GBP5: variants seen among roughly 807,000 people sequenced by gnomAD.
The protein encoded by GBP5 is guanylate binding protein 5.
GBP5 carries 48 observed loss-of-function variants against 58.2 expected under a neutral mutation model. The observed-to-expected ratio is 0.83, with a 90% confidence interval of 0.65 to 1.05. The LOEUF is 1.05. Ranked by LOEUF, GBP5 falls within the 50% of genes least tolerant of loss-of-function variation. GBP5 has a pLI of 0.00. For missense variants in GBP5, 714 were observed against 686.8 expected (o/e 1.04, Z -0.44); for synonymous variants, 248 against 251.8 (o/e 0.98, Z 0.14).
intron 11 of GBP5, among the ~76,000 whole-genome samples, chr1:89,261,812 T>C (rs1272106938): frequency 2.0e-5 from 3 of 152,132 alleles, no homozygotes; most frequent in African/African-American, 7.2e-5. Context: ...TAACAAAGTA[T>C]CTATGACCAA....
rs1294623515 is a variant in GBP5 at position 89,264,893 on chromosome 1, G to A, written c.942C>T (p.Val314=). ...SGDLPCIENA[V]LALAQRENSA... Reference sequence around the variant, plus strand: ...AGTTCTCTCTCTGAGCCAAGGCCAGGACTGCATTCTCTATGCAAGGCAGAT... The same window carrying A: ...AGTTCTCTCTCTGAGCCAAGGCCAGAACTGCATTCTCTATGCAAGGCAGAT... The change falls in exon 8 of 12, where the codon GTC becomes GTT. Residue 314 remains valine (V), a synonymous_variant. Transcript: ENST00000370459. 1 of 1,614,214 alleles carries A rather than the reference G, an allele frequency of 6.2e-7. No homozygotes were observed. Among genetic ancestry groups the A allele is most frequent in the South Asian group, 1.1e-5 (1 of 91,092 alleles).
intron 11 of GBP5, among the ~76,000 whole-genome samples, chr1:89,261,103 T>A (rs1649991530): frequency 6.6e-6 from 1 of 152,154 alleles, no homozygotes; most frequent in Non-Finnish European, 1.5e-5. Context: ...CTTAGTCACA[T>A]CTTGACTTCA....
Position 89,260,169 on chromosome 1 carries a change from T to G in GBP5, c.*535A>C, listed in dbSNP as rs1184593663. ...CAAGGATCACACAACCTAGATCTTT[T>G]GCATGCACAGTTCACAATAGGGTTC... On this transcript the variant is annotated 3_prime_UTR_variant, in exon 12 of 12. Transcript: ENST00000370459. 2 of 153,056 alleles carry G rather than the reference T, an allele frequency of 1.3e-5. No individual in the cohort carries two copies. Among genetic ancestry groups the G allele is most frequent in the Non-Finnish European group, 2.9e-5 (2 of 68,690 alleles). 9.5% of individuals were successfully genotyped at this position (153,056 alleles called of 1,614,324 possible). A position where few individuals can be genotyped will look rare whatever the true frequency, so the allele number is the denominator to read the frequency against.
In GBP5 at chr1:89,260,833, T is replaced by C. The variant is rs879581510; in HGVS notation, c.1648-16A>G. 7 of 1,589,052 alleles carry C rather than the reference T, an allele frequency of 4.4e-6. No individual in the cohort carries two copies. In the Admixed American group the frequency reaches 8.4e-5, roughly 19 times the overall value. ...CAGCCTGTTCCTAAAGAGTGATAAATAGAAAGTAAGATCAAGCTTCTTACT... is the reference window on the plus strand; with the variant it reads ...CAGCCTGTTCCTAAAGAGTGATAAACAGAAAGTAAGATCAAGCTTCTTACT... On this transcript the variant is annotated splice_polypyrimidine_tract_variant and intron_variant, in intron 11 of 11. Coordinates refer to ENST00000370459, the MANE Select transcript of GBP5 (RefSeq NM_052942.5).
rs546274704 is a variant in GBP5, at chr1:89,257,744, T to G, written c.*2960A>C. ...TCTCTTAGCTGGTATGAATAACTAT[T>G]CATAGTATTAACTAATAAAGATTTT... On this transcript the variant is annotated 3_prime_UTR_variant, in exon 12 of 12. Coordinates refer to ENST00000370459, the MANE Select transcript of GBP5 (RefSeq NM_052942.5). Among the ~76,000 whole-genome samples, 7 of 152,360 alleles carry G rather than the reference T, an allele frequency of 4.6e-5. No individual in the cohort carries two copies. In the South Asian group the frequency reaches 1.2e-3, roughly 27 times the overall value.
chr1:89,267,790 C>T (rs1650286184), intron 4 of GBP5, among the ~76,000 whole-genome samples: 1 of 152,080 alleles, frequency 6.6e-6, no homozygotes, highest in Non-Finnish European at 1.5e-5. Context: ...TTTTCCAGCA[C>T]ATAAAACAAA....
Position 89,266,542 on chromosome 1 carries a change from T to C in GBP5, c.672A>G (p.Ile224Met). ...VQNFNLPRLC[I>M]QKFFPKKKCF... ...ATTTCTTTTTTGGAAAGAACTTCTGTATACACAGACGGGGCAAATTGAAAT... is the reference window on the plus strand; with the variant it reads ...ATTTCTTTTTTGGAAAGAACTTCTGCATACACAGACGGGGCAAATTGAAAT... Residue 224 changes from isoleucine (I) to methionine (M), a missense_variant, in exon 7 of 12, where the codon ATA (isoleucine) becomes ATG (methionine). Transcript: ENST00000370459. The C allele has an allele frequency of 6.2e-7, 1 of 1,613,600 alleles. No homozygotes were observed. Among genetic ancestry groups the C allele is most frequent in the Non-Finnish European group, 8.5e-7 (1 of 1,179,494 alleles).
intron 11 of GBP5, chr1:89,261,990 G>C: frequency 1.9e-6 from 1 of 539,392 alleles, no homozygotes; most frequent in South Asian, 2.7e-5. Context: ...CTATAACATA[G>C]ATATCATCAC....
chr1:89,264,872 C>A lies in GBP5; in HGVS notation c.963G>T (p.Glu321Asp), dbSNP rs61734122. ...ENAVLALAQRENSAAVQKAIA... is the reference protein window; with the variant it reads ...ENAVLALAQRDNSAAVQKAIA... ...TGGCCTTTTGCACTGCAGCTGAGTT[C>A]TCTCTCTGAGCCAAGGCCAGGACTG... The change falls in exon 8 of 12, where the codon GAG (glutamate) becomes GAT (aspartate). Residue 321 changes from glutamate (E) to aspartate (D), a missense_variant. Glu to Asp is a conservative substitution (Grantham distance 45). Transcript: ENST00000370459. 4 of 1,613,380 alleles carry A rather than the reference C, an allele frequency of 2.5e-6. No homozygotes were observed. The highest frequency in any genetic ancestry group is 3.4e-6 in the Non-Finnish European group (4 of 1,180,044).
At position 89,262,690 on chromosome 1, in the gene GBP5, CT is replaced by C. The variant is rs779147050; in HGVS notation, c.1457del (p.Lys486ArgfsTer7). On this transcript the variant is annotated frameshift_variant, in exon 10 of 12. Transcript: ENST00000370459. LOFTEE classifies it high-confidence loss of function. ...TTTCCACTTTCTTCTCACCTTTCTT[CT>C]TTTTTTCCGTCTCTGTGAGAGCCTG... is the stretch of plus-strand genomic sequence containing the variant. Reference protein sequence around the residue: ...TDQALTETEKKKKEAQVKAEA... With the variant: ...TDQALTETEKXKKEAQVKAEA... 1.7e-5 allele frequency: 27 copies of C among 1,593,516 alleles called. No individual in the cohort carries two copies. Among genetic ancestry groups the C allele is most frequent in the East Asian group, 2.2e-5 (1 of 44,496 alleles).
intron 7 of GBP5, among the ~76,000 whole-genome samples, chr1:89,265,693 A>C (rs1255050463): frequency 2.2e-5 from 3 of 139,078 alleles, no homozygotes; most frequent in African/African-American, 8.3e-5. Flanking sequence ...GTGCCACTGC[A>C]CTCCAGCCTG....
At chr1:89,263,573 G>A (rs1402905084) in intron 9 of GBP5, 163 bp downstream of exon 9, 1 of 574,312 alleles carries the variant, frequency 1.7e-6, no homozygotes, top group Non-Finnish European at 3.1e-6. Flanking sequence ...ACCAACACCA[G>A]GCACATTGTT....
chr1:89,261,672 G>T (rs781002891), intron 11 of GBP5, among the ~76,000 whole-genome samples: 1 of 152,174 alleles, frequency 6.6e-6, no homozygotes, highest in Non-Finnish European at 1.5e-5. Flanking sequence ...AGAGTGCTTG[G>T]TAACTACTGA....
Position 89,259,897 on chromosome 1 carries a change from G to A in GBP5, c.*807C>T, listed in dbSNP as rs556091095. 6 of 152,076 alleles carry A rather than the reference G, an allele frequency of 3.9e-5. No homozygotes were observed. The highest frequency in any genetic ancestry group is 9.7e-5 in the African/African-American group (4 of 41,342). The allele number at this position is 152,076 out of a possible 1,614,324, so 9.4% of individuals were successfully genotyped here. On this transcript the variant is annotated 3_prime_UTR_variant, in exon 12 of 12. Coordinates refer to ENST00000370459, the MANE Select transcript of GBP5 (RefSeq NM_052942.5). ...TTATACCCCTTAGCCTGTAAGCCCGGTGTCTGCCTCCTCAGATTTCTGTAG... is the reference window on the plus strand; with the variant it reads ...TTATACCCCTTAGCCTGTAAGCCCGATGTCTGCCTCCTCAGATTTCTGTAG...
intron 6 of GBP5, 62 bp from the exon 7 acceptor site, chr1:89,266,650 C>G: frequency 7.1e-7 from 1 of 1,416,580 alleles, no homozygotes; most frequent in Non-Finnish European, 9.7e-7. Context: ...ATTTATTTAC[C>G]TTGAATAAAT....
intron 10 of GBP5, 40 bp downstream of exon 10, chr1:89,262,643 G>T: frequency 1.4e-6 from 2 of 1,402,086 alleles, no homozygotes; most frequent in Non-Finnish European, 2.0e-6. Flanking sequence ...AAAATTTATA[G>T]ATTTCTTTCT....
At chr1:89,266,931 C>A in intron 6 of GBP5, 26 bp downstream of exon 6, 4 of 1,508,790 alleles carry the variant, frequency 2.7e-6, no homozygotes, top group East Asian at 2.4e-5. Context: ...TTTTAAAAAT[C>A]TTTCTAAAAC....
chr1:89,268,829 G>C lies in GBP5; in HGVS notation c.218C>G (p.Ser73Cys). Residue 73 changes from serine to cysteine, a missense_variant, in exon 4 of 12, where the codon TCT becomes TGT. Transcript: ENST00000370459. The part of the protein sequence containing the change: ...KGFSVASTVQ[S>C]HTKGIWIWCV... ...CCATATCCAAATTCCCTTGGTGTGA[G>C]ACTGCACCGTAGATGCAACAGAGAA... 6.2e-7 allele frequency: 1 copy of C among 1,613,922 alleles called. No homozygotes were observed. Among genetic ancestry groups the C allele is most frequent in the East Asian group, 2.2e-5 (1 of 44,852 alleles).
chr1:89,260,433 C>A lies in GBP5; in HGVS notation c.*271G>T. On this transcript the variant is annotated 3_prime_UTR_variant, in exon 12 of 12. Coordinates refer to ENST00000370459, the MANE Select transcript of GBP5 (RefSeq NM_052942.5). Reference sequence around the variant, plus strand: ...GGAAAGCATCTCCTGATGAAACCATCCCAATATCACGCATAAATGAAGGCA... The same window carrying A: ...GGAAAGCATCTCCTGATGAAACCATACCAATATCACGCATAAATGAAGGCA... 1 of 278,198 alleles carries A rather than the reference C, an allele frequency of 3.6e-6. No individual in the cohort carries two copies. 17.2% of individuals were successfully genotyped at this position (278,198 alleles called of 1,614,324 possible).
Sources: gnomAD v4.1 joint callset for allele counts (sites outside exome capture counted in the v4.1 genomes callset) on GRCh38, gnomAD v4.1.1 for gene constraint, MANE v1.5 for transcripts, NCBI Gene and HGNC (gene_info 2026-07-23, HGNC 2026-07-21) for gene names.